The following EIF3H variants were observed in gnomAD, a reference collection of about 807,000 sequenced individuals.
The protein encoded by EIF3H is eIF-3-gamma.
In EIF3H, 26 loss-of-function variants were observed where a neutral mutation model predicts 44.2. The observed-to-expected ratio is 0.59, with a 90% CI of 0.43 to 0.82. The LOEUF (loss-of-function observed/expected upper bound fraction) is 0.82. EIF3H is among the 40% of genes least tolerant of loss of function. The pLI is 0.00. For missense variants in EIF3H, 359 were observed against 432.8 expected, an observed-to-expected ratio of 0.83 and a Z score of 1.51; for synonymous variants, 166 against 151.9, an observed-to-expected ratio of 1.09 and a Z score of -0.68.
chr8:116,714,476 C>A (rs1393124032), intron 2 of EIF3H, among the ~76,000 whole-genome samples: 1 of 151,996 alleles, frequency 6.6e-6, no homozygotes, highest in Non-Finnish European at 1.5e-5. Flanking sequence ...GTCTTTGTAT[C>A]TTTTTTACTT....
intron 1 of EIF3H, among the ~76,000 whole-genome samples, chr8:116,747,865 T>A (rs188849368): frequency 5.3e-5 from 8 of 152,200 alleles, no homozygotes; most frequent in African/African-American, 1.9e-4. Flanking sequence ...ATCCCAACAT[T>A]TTGGGAGGCC....
At chr8:116,650,544 T>C (rs565755040) in intron 5 of EIF3H, among the ~76,000 whole-genome samples, 102 of 152,336 alleles carry the variant, frequency 6.7e-4, no homozygotes, top group African/African-American at 2.4e-3. Context: ...TATATATCCA[T>C]ACAGTAGAAT....
At chr8:116,740,331 G>C (rs1815108877) in intron 1 of EIF3H, among the ~76,000 whole-genome samples, 1 of 152,122 alleles carries the variant, frequency 6.6e-6, no homozygotes, top group Admixed American at 6.5e-5. Context: ...TAAGCCCAGT[G>C]GCATAAGACT....
chr8:116,701,131 G>A (rs1257011689), intron 2 of EIF3H, among the ~76,000 whole-genome samples: 1 of 152,090 alleles, frequency 6.6e-6, no homozygotes, highest in Non-Finnish European at 1.5e-5. Context: ...GGGGGCTGGA[G>A]GGTTCACATC....
At chr8:116,753,580 TTC>T (rs1378708173) in intron 1 of EIF3H, among the ~76,000 whole-genome samples, 1 of 152,244 alleles carries the variant, frequency 6.6e-6, no homozygotes, top group Non-Finnish European at 1.5e-5. Flanking sequence ...CATTAATCAA[TTC>T]TGAGAGAGCT....
intron 2 of EIF3H, among the ~76,000 whole-genome samples, chr8:116,687,476 G>A (rs73324038): frequency 0.04 from 6,079 of 152,018 alleles, 423 homozygotes; most frequent in African/African-American, 0.14. Context: ...AATCAACAGT[G>A]TAATCTCCAA....
intron 2 of EIF3H, among the ~76,000 whole-genome samples, chr8:116,680,662 C>A (rs1340916138): frequency 2.3e-5 from 3 of 129,234 alleles, no homozygotes; most frequent in African/African-American, 8.9e-5. Flanking sequence ...ACTCCCTAAT[C>A]TTAAGTACCC....
intron 1 of EIF3H, among the ~76,000 whole-genome samples, chr8:116,761,525 C>A (rs762266389): frequency 3.3e-5 from 5 of 150,474 alleles, no homozygotes; most frequent in Admixed American, 6.6e-5. Flanking sequence ...AAAATAAATA[C>A]ATACATACAT....
At chr8:116,762,524 C>T (rs1815527664) in intron 1 of EIF3H, among the ~76,000 whole-genome samples, 1 of 152,178 alleles carries the variant, frequency 6.6e-6, no homozygotes, top group South Asian at 2.1e-4. Flanking sequence ...CAAAAGTGCC[C>T]ACTGCCAAGC....
At chr8:116,693,761 C>A (rs538568277) in intron 2 of EIF3H, among the ~76,000 whole-genome samples, 1 of 152,160 alleles carries the variant, frequency 6.6e-6, no homozygotes, top group Non-Finnish European at 1.5e-5. Flanking sequence ...TAGCTCACTG[C>A]AGCTCTGAAT....
chr8:116,707,846 A>T (rs1415713558), intron 2 of EIF3H, among the ~76,000 whole-genome samples: 3 of 152,174 alleles, frequency 2.0e-5, no homozygotes, highest in Non-Finnish European at 4.4e-5. Flanking sequence ...CCCTATTATT[A>T]TTCAGACCAT....
chr8:116,711,350 T>C (rs1412335116), intron 2 of EIF3H, among the ~76,000 whole-genome samples: 2 of 152,220 alleles, frequency 1.3e-5, no homozygotes, highest in Non-Finnish European at 2.9e-5. Flanking sequence ...TCATCCTTTA[T>C]ACAACTCCTC....
chr8:116,688,806 C>T (rs944637949), intron 2 of EIF3H, among the ~76,000 whole-genome samples: 4 of 151,954 alleles, frequency 2.6e-5, no homozygotes, highest in Non-Finnish European at 5.9e-5. Flanking sequence ...AAATAGAATA[C>T]GAGAAGTAAT....
chr8:116,745,911 ACT>A (rs1315494402), intron 1 of EIF3H, among the ~76,000 whole-genome samples: 1 of 151,052 alleles, frequency 6.6e-6, no homozygotes, highest in Non-Finnish European at 1.5e-5. Flanking sequence ...ACAGAGCAAG[ACT>A]CTGTCTCAAA....
chr8:116,719,449 G>C (rs574745683), intron 2 of EIF3H, among the ~76,000 whole-genome samples: 88 of 152,138 alleles, frequency 5.8e-4, no homozygotes, highest in African/African-American at 2.1e-3. Context: ...GATAGAAGTA[G>C]GGAAACTTAA....
chr8:116,736,680 A>G (rs766100882), intron 1 of EIF3H, among the ~76,000 whole-genome samples: 13 of 152,166 alleles, frequency 8.5e-5, no homozygotes, highest in Middle Eastern at 3.2e-3. Context: ...AAAAGGTGGA[A>G]TTTATTTTGT....
At chr8:116,725,103 GA>G (rs1233665688) in intron 2 of EIF3H, among the ~76,000 whole-genome samples, 9 of 152,204 alleles carry the variant, frequency 5.9e-5, no homozygotes, top group Admixed American at 5.9e-4. Context: ...TCAGCCTTAA[GA>G]AAAAAGAAGA....
intron 4 of EIF3H, 26 bp from the exon 5 acceptor site, chr8:116,656,031 A>C (rs1440182906): frequency 6.2e-7 from 1 of 1,608,100 alleles, no homozygotes; most frequent in Non-Finnish European, 8.5e-7. Flanking sequence ...AAAATACTTT[A>C]GTCTGATGGT....
intron 2 of EIF3H, among the ~76,000 whole-genome samples, chr8:116,703,493 C>T (rs777458902): frequency 5.3e-5 from 8 of 152,214 alleles, no homozygotes; most frequent in South Asian, 4.1e-4. Context: ...GTCACGCTCC[C>T]GGTCCACTTT....
Sources: gnomAD v4.1 joint callset for allele counts (sites outside exome capture counted in the v4.1 genomes callset) on GRCh38, gnomAD v4.1.1 for gene constraint, MANE v1.5 for transcripts, NCBI Gene and HGNC (gene_info 2026-07-23, HGNC 2026-07-21) for gene names.